Variants in DPF3 observed in about 807,000 individuals in gnomAD.
The protein encoded by DPF3 is zinc finger protein DPF3.
DPF3 carries 18 observed loss-of-function variants against 56.8 expected under a neutral mutation model. That is an observed-to-expected ratio of 0.32 (90% confidence interval 0.22 to 0.47). The LOEUF is 0.47. Among genes scored for constraint, DPF3 ranks in the 20% least tolerant of loss-of-function variants. The pLI, the probability that DPF3 is intolerant of heterozygous loss-of-function variation, is 1.00. For synonymous variants in DPF3, 188 were observed against 180.2 expected, an observed-to-expected ratio of 1.04 and a Z score of -0.35; for missense variants, 403 against 488.8, an observed-to-expected ratio of 0.82 and a Z score of 1.65.
intron 4 of DPF3, among the ~76,000 whole-genome samples, chr14:72,726,103 C>T (rs890702965): frequency 1.5e-4 from 23 of 152,088 alleles, no homozygotes; most frequent in African/African-American, 4.8e-4. Context: ...TAGCAAAAGC[C>T]GACTGAGACA....
intron 1 of DPF3, among the ~76,000 whole-genome samples, chr14:72,873,404 A>G (rs1885980839): frequency 6.6e-6 from 1 of 152,222 alleles, no homozygotes; most frequent in African/African-American, 2.4e-5. Flanking sequence ...AAAGGTGATC[A>G]TTAAAAAGTC....
intron 8 of DPF3, among the ~76,000 whole-genome samples, chr14:72,651,268 A>ACC (rs1221526247): frequency 6.6e-6 from 1 of 152,210 alleles, no homozygotes; most frequent in Non-Finnish European, 1.5e-5. Flanking sequence ...CTGTTCAGCC[A>ACC]CCACAGCAAA....
Position 72,674,279 on chromosome 14 carries a change from G to A in DPF3, c.832C>T (p.Pro278Ser), listed in dbSNP as rs1011394972. Reference sequence around the variant, plus strand: ...TCTGCGCAGGACACCAGCTCTTCAGGCCGCCCACTCTTCTTGTTCATGTTG... The same window carrying A: ...TCTGCGCAGGACACCAGCTCTTCAGACCGCCCACTCTTCTTGTTCATGTTG... ...GSNMNKKSGR[P>S]EELVSCADCG... is the part of the protein sequence containing the mutation. Residue 278 changes from proline to serine, a missense_variant, in exon 8 of 11, where the codon CCT becomes TCT. Around this residue, in one of 2 missense-constraint regions of DPF3, gnomAD observed 340 missense variants for 374.3 expected, o/e 0.91. Coordinates refer to ENST00000556509, the MANE Select transcript of DPF3 (RefSeq NM_001280542.3). 6.2e-7 allele frequency: 1 copy of A among 1,612,506 alleles called. No individual in the cohort carries two copies. Among genetic ancestry groups the A allele is most frequent in the Admixed American group, 1.7e-5 (1 of 59,836 alleles).
intron 8 of DPF3, among the ~76,000 whole-genome samples, chr14:72,632,090 GAGA>G (rs1295448948): frequency 6.6e-6 from 1 of 152,234 alleles, no homozygotes; most frequent in Non-Finnish European, 1.5e-5. Context: ...GAGGTAGCTG[GAGA>G]AGGATTACAG....
chr14:72,703,235 G>A (rs1888255506), intron 6 of DPF3, among the ~76,000 whole-genome samples: 2 of 152,100 alleles, frequency 1.3e-5, no homozygotes, highest in Non-Finnish European at 2.9e-5. Flanking sequence ...CACCCTTGAT[G>A]CTTATTTTAA....
chr14:72,646,430 C>A (rs527505424), intron 8 of DPF3, among the ~76,000 whole-genome samples: 1 of 152,330 alleles, frequency 6.6e-6, no homozygotes, highest in Non-Finnish European at 1.5e-5. Flanking sequence ...TTACGAAGTG[C>A]ATCCAGAAAG....
chr14:72,832,468 C>G (rs1187733769), intron 1 of DPF3, among the ~76,000 whole-genome samples: 3 of 152,132 alleles, frequency 2.0e-5, no homozygotes. Context: ...TCCGCAGCTA[C>G]AGCAATCTTA....
At chr14:72,620,022 T>C (rs1884324867) in intron 9 of DPF3, 38 bp from the exon 10 acceptor site, 3 of 1,499,960 alleles carry the variant, frequency 2.0e-6, no homozygotes, top group African/African-American at 1.4e-5. Context: ...GAGGAGAGAT[T>C]CCATTATTCG....
At chr14:72,764,484 G>GTTTTTTTTT (rs57886183) in intron 2 of DPF3, among the ~76,000 whole-genome samples, 7 of 52,792 alleles carry the variant, frequency 1.3e-4, no homozygotes, top group African/African-American at 4.7e-4. Flanking sequence ...TTCCTGAGTT[G>GTTTTTTTTT]TTTTTTTTTT....
At chr14:72,885,529 G>A (rs961363364) in intron 1 of DPF3, among the ~76,000 whole-genome samples, 3 of 151,846 alleles carry the variant, frequency 2.0e-5, no homozygotes, top group Admixed American at 6.6e-5. Context: ...TTAGCCTCCC[G>A]AGTAGCTAGG....
intron 3 of DPF3, among the ~76,000 whole-genome samples, chr14:72,750,630 A>C (rs1259962423): frequency 6.6e-6 from 1 of 152,034 alleles, no homozygotes; most frequent in East Asian, 1.9e-4. Flanking sequence ...AATTACAAAA[A>C]CGAAATGAAG....
intron 10 of DPF3, among the ~76,000 whole-genome samples, 174 bp downstream of exon 10, chr14:72,619,729 C>T (rs934710775): frequency 1.3e-5 from 2 of 152,204 alleles, no homozygotes; most frequent in East Asian, 1.9e-4. Flanking sequence ...TCAGTTTCCT[C>T]ATCTGTAAAA....
At chr14:72,792,083 C>A (rs963865354) in intron 1 of DPF3, among the ~76,000 whole-genome samples, 2 of 151,844 alleles carry the variant, frequency 1.3e-5, no homozygotes, top group African/African-American at 2.4e-5. Flanking sequence ...CTGGAACATG[C>A]CCCCCACCCC....
rs561237249 is a variant in DPF3 at position 72,737,833 on chromosome 14, C to T, written c.302-5899G>A. ...GGGGCCTGGAGATAGAGTTATGGTGCAAAAGGGAGGGAGAAATCCCACAGA... is the reference window on the plus strand; with the variant it reads ...GGGGCCTGGAGATAGAGTTATGGTGTAAAAGGGAGGGAGAAATCCCACAGA... On this transcript the variant is annotated intron_variant, in intron 3 of 10. Coordinates refer to ENST00000556509, the MANE Select transcript of DPF3 (RefSeq NM_001280542.3). Among the ~76,000 whole-genome samples, 97 of 151,940 alleles carry T rather than the reference C, an allele frequency of 6.4e-4. 1 individual carries two copies. Among genetic ancestry groups the T allele is most frequent in the Non-Finnish European group, 1.2e-3 (81 of 67,998 alleles).
intron 5 of DPF3, among the ~76,000 whole-genome samples, chr14:72,721,081 G>A (rs1052008997): frequency 3.9e-5 from 6 of 152,050 alleles, no homozygotes; most frequent in African/African-American, 1.4e-4. Context: ...CACATTTTGA[G>A]GACTCAGTAG....
intron 8 of DPF3, among the ~76,000 whole-genome samples, chr14:72,640,405 A>G (rs934424463): frequency 5.9e-5 from 9 of 152,176 alleles, no homozygotes; most frequent in African/African-American, 2.2e-4. Flanking sequence ...CACTAAATCC[A>G]TCTATTCAAT....
intron 1 of DPF3, among the ~76,000 whole-genome samples, chr14:72,815,235 G>A (rs1021788809): frequency 7.3e-5 from 11 of 151,630 alleles, no homozygotes; most frequent in African/African-American, 2.7e-4. Context: ...AAAAAAAAAA[G>A]GTTCAACATT....
At chr14:72,787,623 G>A (rs1285334898) in intron 1 of DPF3, among the ~76,000 whole-genome samples, 1 of 152,118 alleles carries the variant, frequency 6.6e-6, no homozygotes, top group Non-Finnish European at 1.5e-5. Context: ...TCGCATCAAG[G>A]TCCCACTGTA....
chr14:72,877,479 G>C (rs1023230555), intron 1 of DPF3, among the ~76,000 whole-genome samples: 1 of 152,178 alleles, frequency 6.6e-6, no homozygotes, highest in African/African-American at 2.4e-5. Flanking sequence ...AAGCAGGAAA[G>C]GGATGAGAAC....
Sources: gnomAD v4.1 joint callset for allele counts (sites outside exome capture counted in the v4.1 genomes callset) on GRCh38, gnomAD v4.1.1 for gene constraint, gnomAD v4.1.1 regional missense constraint, MANE v1.5 for transcripts, NCBI Gene and HGNC (gene_info 2026-07-23, HGNC 2026-07-21) for gene names.